Variants in ANTXR1 observed in about 807,000 individuals in gnomAD.
The protein encoded by ANTXR1 is ANTXR cell adhesion molecule 1.
A neutral mutation model predicts 78.1 loss-of-function variants in ANTXR1; 19 were observed. That is an observed-to-expected ratio of 0.24 (90% confidence interval 0.17 to 0.36). The LOEUF (loss-of-function observed/expected upper bound fraction) is 0.36. ANTXR1 is among the 10% of genes least tolerant of loss of function. ANTXR1 has a pLI of 1.00. For missense variants in ANTXR1, 518 were observed against 718.6 expected, an observed-to-expected ratio of 0.72 and a Z score of 3.19; for synonymous variants, 273 against 260.5, an observed-to-expected ratio of 1.05 and a Z score of -0.46.
chr2:69,087,188 T>C (rs1180353329), intron 8 of ANTXR1, among the ~76,000 whole-genome samples: 1 of 152,338 alleles, frequency 6.6e-6, no homozygotes, highest in East Asian at 1.9e-4. Flanking sequence ...AGTCCAAGTC[T>C]ATCTTCTCAG....
At chr2:69,141,487 A>C (rs1442762306) in intron 12 of ANTXR1, among the ~76,000 whole-genome samples, 4 of 151,978 alleles carry the variant, frequency 2.6e-5, no homozygotes, top group African/African-American at 9.7e-5. Context: ...CTTTGAGTCC[A>C]GTGTGCGCAA....
At chr2:69,144,641 T>C (rs1673170562) in intron 12 of ANTXR1, among the ~76,000 whole-genome samples, 1 of 152,250 alleles carries the variant, frequency 6.6e-6, no homozygotes, top group Non-Finnish European at 1.5e-5. Context: ...CCTGTCCTAT[T>C]TCTGGCAGAG....
chr2:69,059,485 T>C (rs958991578), intron 3 of ANTXR1, among the ~76,000 whole-genome samples: 4 of 151,972 alleles, frequency 2.6e-5, no homozygotes, highest in African/African-American at 9.7e-5. Flanking sequence ...TGTGTACTTT[T>C]TTTTTTTTTT....
At chr2:69,141,262 C>A (rs1573926699) in intron 12 of ANTXR1, among the ~76,000 whole-genome samples, 1 of 152,216 alleles carries the variant, frequency 6.6e-6, no homozygotes, top group East Asian at 1.9e-4. Flanking sequence ...AGGGAAGTGC[C>A]ATTTTTTGAA....
At chr2:69,082,002 T>C (rs190534982) in intron 8 of ANTXR1, among the ~76,000 whole-genome samples, 1 of 152,344 alleles carries the variant, frequency 6.6e-6, no homozygotes, top group African/African-American at 2.4e-5. Flanking sequence ...CTCAAGTCTT[T>C]CTAATGCCCA....
At chr2:69,223,231 C>T (rs1237075804) in intron 17 of ANTXR1, among the ~76,000 whole-genome samples, 1 of 152,170 alleles carries the variant, frequency 6.6e-6, no homozygotes, top group Non-Finnish European at 1.5e-5. Flanking sequence ...ACTCATGTGA[C>T]CTATAACTTG....
intron 3 of ANTXR1, among the ~76,000 whole-genome samples, chr2:69,065,158 G>A (rs10194009): frequency 0.34 from 50,980 of 152,096 alleles, 14,520 homozygotes; most frequent in African/African-American, 0.75. Context: ...GGGAGCAGTG[G>A]CTCACGCCTG....
At chr2:69,095,926 G>A (rs1172865289) in intron 9 of ANTXR1, among the ~76,000 whole-genome samples, 1 of 152,108 alleles carries the variant, frequency 6.6e-6, no homozygotes, top group Non-Finnish European at 1.5e-5. Context: ...ACTCTTACTG[G>A]GGAGAGGGAA....
rs1676009035 is a variant in ANTXR1, at chr2:69,245,789, C to A, written c.*304C>A. On this transcript the variant is annotated 3_prime_UTR_variant, in exon 18 of 18. Coordinates refer to ENST00000303714, the MANE Select transcript of ANTXR1 (RefSeq NM_032208.3). ...CAACAGGATTATGTCTCATGGAGACCAGTAAGAAAATCATTTATCTGAAGG... is the reference window on the plus strand; with the variant it reads ...CAACAGGATTATGTCTCATGGAGACAAGTAAGAAAATCATTTATCTGAAGG... 2 of 317,390 alleles carry A rather than the reference C, an allele frequency of 6.3e-6. No individual in the cohort carries two copies. Among genetic ancestry groups the A allele is most frequent in the African/African-American group, 2.2e-5 (1 of 46,194 alleles). The allele number at this position is 317,390 out of a possible 1,614,324, so 19.7% of individuals were successfully genotyped here. A position where few individuals can be genotyped will look rare whatever the true frequency, so the allele number is the denominator to read the frequency against.
intron 12 of ANTXR1, among the ~76,000 whole-genome samples, chr2:69,143,308 T>C (rs1343046399): frequency 6.6e-6 from 1 of 152,208 alleles, no homozygotes; most frequent in Non-Finnish European, 1.5e-5. Flanking sequence ...CAGGATATAC[T>C]GATGGCACGT....
chr2:69,205,242 C>T (rs1674866902), intron 17 of ANTXR1, among the ~76,000 whole-genome samples: 1 of 152,078 alleles, frequency 6.6e-6, no homozygotes, highest in Admixed American at 6.6e-5. Flanking sequence ...GACAAACTCT[C>T]CCAGTGCAGG....
intron 10 of ANTXR1, among the ~76,000 whole-genome samples, chr2:69,110,895 AT>A (rs988634437): frequency 2.6e-5 from 4 of 152,122 alleles, no homozygotes; most frequent in African/African-American, 9.7e-5. Flanking sequence ...CACTGACACT[AT>A]TTTTGTTTTT....
intron 3 of ANTXR1, among the ~76,000 whole-genome samples, chr2:69,051,961 C>T (rs1402171131): frequency 6.6e-6 from 1 of 151,836 alleles, no homozygotes; most frequent in Non-Finnish European, 1.5e-5. Flanking sequence ...TTATTTTTTA[C>T]TTTCGTTGAT....
chr2:69,217,749 G>T (rs1193773669), intron 17 of ANTXR1, among the ~76,000 whole-genome samples: 1 of 152,140 alleles, frequency 6.6e-6, no homozygotes, highest in East Asian at 1.9e-4. Context: ...TGGAGGGCCT[G>T]TGTGTGAGGG....
chr2:69,172,308 C>CGT (rs1479662030), intron 14 of ANTXR1: 34 of 1,420,876 alleles, frequency 2.4e-5, no homozygotes, highest in Non-Finnish European at 3.1e-5. Context: ...ATTGCCTTAG[C>CGT]GTGTGTGTTG....
intron 17 of ANTXR1, among the ~76,000 whole-genome samples, chr2:69,233,895 G>C (rs541969946): frequency 1.2e-3 from 184 of 152,018 alleles, no homozygotes; most frequent in African/African-American, 4.2e-3. Context: ...AATATACTAA[G>C]AGTAGGATGC....
intron 13 of ANTXR1, among the ~76,000 whole-genome samples, chr2:69,168,213 G>A (rs1236846475): frequency 1.3e-5 from 2 of 152,186 alleles, no homozygotes; most frequent in Admixed American, 1.3e-4. Context: ...ATCAAGGTAA[G>A]AGACAAATAC....
At position 69,037,503 on chromosome 2, in the gene ANTXR1, CTT is replaced by C. The variant is rs1319066071; in HGVS notation, c.153-2540_153-2539del. The stretch of plus-strand genomic sequence containing the variant: ...TTGTTTTTTGAGATGGAGTTTCCCT[CTT>C]GTTGCCTAGGCTGGAGTGCAAGGGT... On this transcript the variant is annotated intron_variant, in intron 1 of 17. Transcript: ENST00000303714. 2.6e-5 allele frequency among the ~76,000 whole-genome samples: 4 copies of C among 152,228 alleles called. No homozygotes were observed. In the East Asian group the frequency reaches 7.8e-4, roughly 30 times the overall value.
chr2:69,016,445 G>T (rs957595937), intron 1 of ANTXR1, among the ~76,000 whole-genome samples: 1 of 152,134 alleles, frequency 6.6e-6, no homozygotes. Context: ...GTTTATGGAG[G>T]TGCTGTTTAT....
Sources: gnomAD v4.1 joint callset for allele counts (sites outside exome capture counted in the v4.1 genomes callset) on GRCh38, gnomAD v4.1.1 for gene constraint, MANE v1.5 for transcripts, NCBI Gene and HGNC (gene_info 2026-07-23, HGNC 2026-07-21) for gene names.